PREX2: variants seen among roughly 807,000 people sequenced by gnomAD.
PREX2 encodes the protein phosphatidylinositol-3,4,5-trisphosphate dependent Rac exchange factor 2, also known as phosphatidylinositol 3,4,5-trisphosphate-dependent Rac exchanger 2 protein.
In PREX2, 107 loss-of-function variants were observed where a neutral mutation model predicts 203.2. That is an observed-to-expected ratio of 0.53 (90% CI 0.45 to 0.62). PREX2 has a LOEUF of 0.62. Among genes scored for constraint, PREX2 ranks in the 20% least tolerant of loss-of-function variants. PREX2 has a pLI of 0.00. For synonymous variants in PREX2, 672 were observed against 663.6 expected (o/e 1.01, Z -0.19); for missense variants, 1,777 against 1,955.9 (o/e 0.91, Z 1.72).
intron 34 of PREX2, among the ~76,000 whole-genome samples, chr8:68,147,984 C>T (rs1302954716): frequency 1.3e-5 from 2 of 152,088 alleles, no homozygotes; most frequent in East Asian, 1.9e-4. Context: ...CGGTGGCTCA[C>T]GCATGTAATC....
At position 68,236,984 on chromosome 8, in the gene PREX2, C is replaced by T. The variant is rs182882525; in HGVS notation, c.*5606C>T. 9.9e-5 allele frequency: 15 copies of T among 151,926 alleles called. No individual in the cohort carries two copies. The highest frequency in any genetic ancestry group is 5.8e-4 in the East Asian group (3 of 5,182). The allele number at this position is 151,926 out of a possible 1,614,324, so 9.4% of individuals were successfully genotyped here. Reference sequence around the variant, plus strand: ...CTGCATGAAAGATTGGAATAGTAACCGTGTATGATAAATGTTAATAATAAT... The same window carrying T: ...CTGCATGAAAGATTGGAATAGTAACTGTGTATGATAAATGTTAATAATAAT... On this transcript the variant is annotated 3_prime_UTR_variant, in exon 40 of 40. Coordinates refer to ENST00000288368, the MANE Select transcript of PREX2 (RefSeq NM_024870.4).
At chr8:68,152,204 G>A (rs746432984) in intron 34 of PREX2, among the ~76,000 whole-genome samples, 19 of 147,416 alleles carry the variant, frequency 1.3e-4, no homozygotes, top group Non-Finnish European at 2.4e-4. Context: ...CAGGAGAATG[G>A]TGTCCCGGGA....
At chr8:68,191,299 G>A (rs560833961) in intron 35 of PREX2, among the ~76,000 whole-genome samples, 42 of 152,220 alleles carry the variant, frequency 2.8e-4, no homozygotes, top group Non-Finnish European at 1.0e-4. Context: ...ATTGGATAAC[G>A]TTCTTCAATA....
chr8:68,175,548 G>A (rs554053829), intron 35 of PREX2, among the ~76,000 whole-genome samples: 2 of 152,286 alleles, frequency 1.3e-5, no homozygotes, highest in East Asian at 3.9e-4. Context: ...AGATACAAAT[G>A]GAGATGGAGT....
rs1222676112 is a variant in PREX2 at position 68,102,117 on chromosome 8, C to G, written c.2715+2274C>G. On this transcript the variant is annotated intron_variant, in intron 23 of 39. Transcript: ENST00000288368. Reference sequence around the variant, plus strand: ...TGTTAGATGATAAAAATAATGTCACCCAATTATGGAAAGCTCTTTTATGTA... The same window carrying G: ...TGTTAGATGATAAAAATAATGTCACGCAATTATGGAAAGCTCTTTTATGTA... Among the ~76,000 whole-genome samples the G allele has an allele frequency of 1.2e-4, 19 of 152,050 alleles. 1 individual carries two copies. Among genetic ancestry groups the G allele is most frequent in the Admixed American group, 1.1e-3 (17 of 15,256 alleles).
intron 1 of PREX2, among the ~76,000 whole-genome samples, chr8:68,010,625 A>G (rs1410609011): frequency 6.6e-6 from 1 of 152,212 alleles, no homozygotes; most frequent in Non-Finnish European, 1.5e-5. Context: ...TGTGAGGCAC[A>G]TATGATTATT....
intron 19 of PREX2, among the ~76,000 whole-genome samples, chr8:68,088,645 A>G (rs1245152702): frequency 2.1e-5 from 3 of 145,686 alleles, no homozygotes; most frequent in East Asian, 2.0e-4. Context: ...TATTGTATGT[A>G]TGATAAAAAC....
At chr8:68,218,628 G>T (rs1016254613) in intron 38 of PREX2, among the ~76,000 whole-genome samples, 4 of 152,168 alleles carry the variant, frequency 2.6e-5, no homozygotes, top group African/African-American at 9.7e-5. Flanking sequence ...TGGAAGCTTA[G>T]TATCTAACTC....
At chr8:68,131,230 G>T (rs1191240945) in intron 31 of PREX2, among the ~76,000 whole-genome samples, 1 of 152,186 alleles carries the variant, frequency 6.6e-6, no homozygotes, top group Non-Finnish European at 1.5e-5. Context: ...ATAGGGGATA[G>T]GTCACAAGGT....
intron 1 of PREX2, among the ~76,000 whole-genome samples, chr8:68,000,936 T>C (rs957630080): frequency 6.6e-6 from 1 of 152,196 alleles, no homozygotes; most frequent in African/African-American, 2.4e-5. Flanking sequence ...TTACACCATA[T>C]ACAAAAATTA....
rs1811661243 is a variant in PREX2, at chr8:68,161,854, T to A, written c.4346+4418T>A. Among the ~76,000 whole-genome samples, 6 of 152,304 alleles carry A rather than the reference T, an allele frequency of 3.9e-5. No homozygotes were observed. The South Asian group carries it at 8.3e-4, about 21-fold the overall frequency. On this transcript the variant is annotated intron_variant, in intron 35 of 39. Coordinates refer to ENST00000288368, the MANE Select transcript of PREX2 (RefSeq NM_024870.4). ...TGTTCTCATACTGCTAATAAAGACATACCCAGGACTGGGTAATTATAAAGG... is the reference window on the plus strand; with the variant it reads ...TGTTCTCATACTGCTAATAAAGACAAACCCAGGACTGGGTAATTATAAAGG...
At chr8:68,114,126 C>A (rs987864944) in intron 25 of PREX2, among the ~76,000 whole-genome samples, 1 of 152,016 alleles carries the variant, frequency 6.6e-6, no homozygotes, top group Non-Finnish European at 1.5e-5. Context: ...CCTCCCAAAG[C>A]GCTGGGATTA....
chr8:68,044,004 G>T (rs1375584857), intron 7 of PREX2, among the ~76,000 whole-genome samples: 1 of 152,074 alleles, frequency 6.6e-6, no homozygotes, highest in Non-Finnish European at 1.5e-5. Context: ...TATGATAGGA[G>T]AAATATTTTT....
intron 1 of PREX2, among the ~76,000 whole-genome samples, chr8:67,987,912 A>AGTATGTGTGT (rs139568645): frequency 0.22 from 33,354 of 150,788 alleles, 4,126 homozygotes; most frequent in East Asian, 0.52. Context: ...GCAGCCAGGG[A>AGTATGTGTGT]GTGTGTGTGT....
chr8:67,996,190 A>G (rs1264374083), intron 1 of PREX2, among the ~76,000 whole-genome samples: 2 of 151,614 alleles, frequency 1.3e-5, no homozygotes, highest in African/African-American at 4.8e-5. Flanking sequence ...TTTTTTCAGT[A>G]TTAATTTTTT....
chr8:68,221,330 C>A (rs971350390), intron 38 of PREX2, among the ~76,000 whole-genome samples: 7 of 152,110 alleles, frequency 4.6e-5, no homozygotes, highest in Admixed American at 2.6e-4. Flanking sequence ...ACTCTTGAGC[C>A]AAGCAGCCAC....
intron 6 of PREX2, among the ~76,000 whole-genome samples, chr8:68,033,758 G>T (rs1415045316): frequency 6.6e-6 from 1 of 152,170 alleles, no homozygotes; most frequent in Non-Finnish European, 1.5e-5. Flanking sequence ...AGAGGATCTT[G>T]ACTGCCAGTC....
chr8:67,952,751 G>T, intron 1 of PREX2: 1 of 668,670 alleles, frequency 1.5e-6, no homozygotes, highest in Non-Finnish European at 2.6e-6. Flanking sequence ...AGTTGCGGGG[G>T]CCTTGGAGAC....
At chr8:68,012,910 A>G (rs1220380687) in intron 1 of PREX2, among the ~76,000 whole-genome samples, 1 of 152,234 alleles carries the variant, frequency 6.6e-6, no homozygotes, top group East Asian at 1.9e-4. Context: ...TAATGTCAAG[A>G]CTGATAAACC....
Sources: gnomAD v4.1 joint callset for allele counts (sites outside exome capture counted in the v4.1 genomes callset) on GRCh38, gnomAD v4.1.1 for gene constraint, MANE v1.5 for transcripts, NCBI Gene and HGNC (gene_info 2026-07-23, HGNC 2026-07-21) for gene names.